SLC4A4: variants seen among roughly 807,000 people sequenced by gnomAD.
SLC4A4 encodes electrogenic sodium bicarbonate cotransporter 1.
A neutral mutation model predicts 111.5 loss-of-function variants in SLC4A4; 27 were observed. The observed-to-expected ratio is 0.24, with a 90% confidence interval of 0.18 to 0.33. The LOEUF (loss-of-function observed/expected upper bound fraction) is 0.33, where lower values mean the gene tolerates loss of function less well. Ranked by LOEUF, SLC4A4 falls within the 10% of genes least tolerant of loss-of-function variation. SLC4A4 has a pLI of 1.00. For synonymous variants in SLC4A4, 443 were observed against 463.4 expected (o/e 0.96, Z 0.57); for missense variants, 909 against 1,315.5 (o/e 0.69, Z 4.78).
chr4:71,432,982 CTG>C (rs1195976379), intron 7 of SLC4A4, among the ~76,000 whole-genome samples: 1 of 152,036 alleles, frequency 6.6e-6, no homozygotes, highest in Non-Finnish European at 1.5e-5. Flanking sequence ...TATCAGAAGT[CTG>C]TGTCTTTTGA....
chr4:71,339,125 T>C (rs1448879226), intron 3 of SLC4A4: 29 of 1,610,050 alleles, frequency 1.8e-5, no homozygotes, highest in South Asian at 3.3e-5. Context: ...TCACACAGAA[T>C]TGGAGTGCTG....
intron 2 of SLC4A4, among the ~76,000 whole-genome samples, chr4:71,122,018 A>C (rs1354714912): frequency 6.6e-6 from 1 of 152,062 alleles, no homozygotes; most frequent in African/African-American, 2.4e-5. Context: ...CTGCAGCTTC[A>C]CTCCTGAAGC....
At chr4:71,397,149 G>A (rs1719891582) in intron 6 of SLC4A4, among the ~76,000 whole-genome samples, 1 of 152,104 alleles carries the variant, frequency 6.6e-6, no homozygotes, top group Non-Finnish European at 1.5e-5. Context: ...AGGAGGTCTG[G>A]GCCTGGCATC....
chr4:71,163,282 G>A (rs1000443715), intron 2 of SLC4A4, among the ~76,000 whole-genome samples: 2 of 152,164 alleles, frequency 1.3e-5, no homozygotes, highest in Non-Finnish European at 2.9e-5. Flanking sequence ...CATGGTGTGT[G>A]GCATTAGTGC....
intron 17 of SLC4A4, among the ~76,000 whole-genome samples, chr4:71,533,595 T>G (rs1035264320): frequency 2.6e-5 from 3 of 113,766 alleles, no homozygotes; most frequent in East Asian, 4.3e-4. Context: ...TTTTTTCCAG[T>G]TTTTTTTTGT....
chr4:71,127,684 G>C (rs1169714560), intron 2 of SLC4A4, among the ~76,000 whole-genome samples: 2 of 151,976 alleles, frequency 1.3e-5, no homozygotes, highest in Non-Finnish European at 2.9e-5. Flanking sequence ...TTTAAGATAT[G>C]TTATATAAAG....
chr4:71,133,166 C>T (rs889096946), intron 2 of SLC4A4, among the ~76,000 whole-genome samples: 3 of 152,066 alleles, frequency 2.0e-5, no homozygotes, highest in Non-Finnish European at 4.4e-5. Context: ...TATCCCTGAA[C>T]CCCTCTAGAA....
intron 18 of SLC4A4, among the ~76,000 whole-genome samples, chr4:71,537,822 C>T (rs1560600262): frequency 6.6e-6 from 1 of 151,980 alleles, no homozygotes; most frequent in Admixed American, 6.6e-5. Context: ...GTCTCTGTCC[C>T]AAGAGTTCAG....
chr4:71,163,610 A>G (rs1744663946), intron 2 of SLC4A4, among the ~76,000 whole-genome samples: 1 of 152,264 alleles, frequency 6.6e-6, no homozygotes, highest in Non-Finnish European at 1.5e-5. Flanking sequence ...AAGAAGACCT[A>G]AAAGATATTT....
chr4:71,570,661 T>A lies in SLC4A4; in HGVS notation c.*2910T>A, dbSNP rs1737878101. The A allele has an allele frequency of 6.6e-6, 1 of 152,272 alleles. No individual in the cohort carries two copies. The highest frequency in any genetic ancestry group is 1.5e-5 in the Non-Finnish European group (1 of 67,862). The allele number at this position is 152,272 out of a possible 1,614,324, so 9.4% of individuals were successfully genotyped here. On this transcript the variant is annotated 3_prime_UTR_variant, in exon 26 of 26. Coordinates refer to ENST00000264485, the MANE Select transcript of SLC4A4 (RefSeq NM_001098484.3). ...TAAAGACAAAGTACGCTCAGAGTTG[T>A]TAACCAGAAAGTCCTGGCTGTGGTT...
Position 71,201,476 on chromosome 4 carries a change from G to A in SLC4A4, c.-2+14075G>A, listed in dbSNP as rs533036594. 1.1e-3 allele frequency among the ~76,000 whole-genome samples: 170 copies of A among 152,284 alleles called. 1 individual carries two copies. Among genetic ancestry groups the A allele is most frequent in the Middle Eastern group, 3.4e-3 (1 of 294 alleles). On this transcript the variant is annotated intron_variant, in intron 1 of 25. Transcript: ENST00000264485. ...CACCTCTGTTCTGCAGGGGAGATCT[G>A]GGCTGCACAGCACAGCACCAAAGAC...
At chr4:71,107,997 A>C (rs1243581186) in intron 2 of SLC4A4, among the ~76,000 whole-genome samples, 1 of 152,184 alleles carries the variant, frequency 6.6e-6, no homozygotes, top group Non-Finnish European at 1.5e-5. Flanking sequence ...TCCTGAAGTT[A>C]TAACACTCTA....
At chr4:71,142,816 C>A (rs1364163725) in intron 2 of SLC4A4, among the ~76,000 whole-genome samples, 2 of 143,740 alleles carry the variant, frequency 1.4e-5, no homozygotes, top group African/African-American at 5.3e-5. Context: ...TGGTTTGGAT[C>A]CCATGCCCAT....
chr4:71,268,629 G>T (rs1310973516), intron 3 of SLC4A4, among the ~76,000 whole-genome samples: 1 of 152,176 alleles, frequency 6.6e-6, no homozygotes, highest in African/African-American at 2.4e-5. Context: ...TACTTTTGAA[G>T]TCTGTGATCA....
At chr4:71,098,826 C>A (rs1742633830) in intron 2 of SLC4A4, among the ~76,000 whole-genome samples, 1 of 151,986 alleles carries the variant, frequency 6.6e-6, no homozygotes, top group African/African-American at 2.4e-5. Flanking sequence ...TAATTTCAGA[C>A]AAAACAGACT....
intron 16 of SLC4A4, among the ~76,000 whole-genome samples, chr4:71,511,062 T>C: frequency 6.6e-6 from 1 of 152,144 alleles, no homozygotes; most frequent in East Asian, 1.9e-4. Flanking sequence ...CTTTTAATGT[T>C]ATATATCCCT....
At chr4:71,432,715 A>G (rs956411273) in intron 7 of SLC4A4, among the ~76,000 whole-genome samples, 2 of 151,688 alleles carry the variant, frequency 1.3e-5, no homozygotes, top group Non-Finnish European at 2.9e-5. Flanking sequence ...TTCTTCTTAT[A>G]TGAAGTATCA....
intron 2 of SLC4A4, among the ~76,000 whole-genome samples, chr4:71,156,558 AAGTGTG>A (rs55724057): frequency 0.084 from 2,967 of 35,212 alleles, 49 homozygotes; most frequent in East Asian, 0.29. Context: ...ATGTCCAAAT[AAGTGTG>A]TGCGCGCATG....
intron 1 of SLC4A4, among the ~76,000 whole-genome samples, chr4:71,190,645 G>A (rs1008875690): frequency 2.0e-5 from 3 of 152,168 alleles, no homozygotes; most frequent in African/African-American, 7.2e-5. Context: ...AAGCATAGGA[G>A]TTCGAGGCTG....
Sources: allele counts gnomAD v4.1 joint callset (sites outside exome capture counted in the v4.1 genomes callset), GRCh38; gene constraint gnomAD v4.1.1; transcripts MANE v1.5; gene names NCBI Gene and HGNC (gene_info 2026-07-23, HGNC 2026-07-21).